The following TMEM150C variants were observed in gnomAD, a reference collection of about 807,000 sequenced individuals.
The protein encoded by TMEM150C is tentonin 3.
TMEM150C carries 10 observed loss-of-function variants against 29.9 expected under a neutral mutation model. The observed-to-expected ratio is 0.33, with a 90% confidence interval of 0.21 to 0.57. The LOEUF (loss-of-function observed/expected upper bound fraction) is 0.57, where lower values mean the gene tolerates loss of function less well. Among genes scored for constraint, TMEM150C ranks in the 20% least tolerant of loss-of-function variants. The pLI, the probability that TMEM150C is intolerant of heterozygous loss-of-function variation, is 0.88. For missense variants in TMEM150C, 251 were observed against 303.6 expected (o/e 0.83, Z 1.29); for synonymous variants, 101 against 112.5 (o/e 0.90, Z 0.64).
At chr4:82,557,797 G>A (rs373753908) in intron 1 of TMEM150C, among the ~76,000 whole-genome samples, 5 of 146,844 alleles carry the variant, frequency 3.4e-5, no homozygotes, top group East Asian at 2.0e-4. Context: ...GCAGTGGCAC[G>A]ATCTTGGCTC....
chr4:82,514,064 C>T (rs1724215440), intron 1 of TMEM150C, among the ~76,000 whole-genome samples: 1 of 152,238 alleles, frequency 6.6e-6, no homozygotes, highest in Non-Finnish European at 1.5e-5. Flanking sequence ...GGGATAACCC[C>T]AGCACCCACT....
At chr4:82,523,240 G>A (rs1040451009) in intron 1 of TMEM150C, among the ~76,000 whole-genome samples, 10 of 152,106 alleles carry the variant, frequency 6.6e-5, no homozygotes, top group African/African-American at 2.2e-4. Flanking sequence ...GGGGCGGGGG[G>A]GTGCTCCAAA....
intron 5 of TMEM150C, among the ~76,000 whole-genome samples, chr4:82,497,780 A>T (rs1334031665): frequency 6.6e-6 from 1 of 152,202 alleles, no homozygotes; most frequent in Non-Finnish European, 1.5e-5. Flanking sequence ...AATGACAATA[A>T]CAATCCTAGA....
At chr4:82,485,922 T>G (rs1295140300) in intron 7 of TMEM150C, among the ~76,000 whole-genome samples, 1 of 152,214 alleles carries the variant, frequency 6.6e-6, no homozygotes, top group Non-Finnish European at 1.5e-5. Context: ...AGACATGCTT[T>G]TAGGTGCTTT....
intron 1 of TMEM150C, among the ~76,000 whole-genome samples, chr4:82,550,582 C>T (rs1031627517): frequency 6.6e-6 from 1 of 151,942 alleles, no homozygotes; most frequent in Non-Finnish European, 1.5e-5. Context: ...GGGCGGATCA[C>T]GAGGTCAGGA....
chr4:82,511,592 C>A (rs1159052424), intron 1 of TMEM150C, among the ~76,000 whole-genome samples: 1 of 151,072 alleles, frequency 6.6e-6, no homozygotes, highest in Non-Finnish European at 1.5e-5. Flanking sequence ...CCTCCCACTT[C>A]AGCTTTCTAA....
At chr4:82,555,783 C>CCT (rs1179595580) in intron 1 of TMEM150C, among the ~76,000 whole-genome samples, 7 of 152,164 alleles carry the variant, frequency 4.6e-5, no homozygotes, top group African/African-American at 1.7e-4. Context: ...ATGGCAATAC[C>CCT]TACACCAAAG....
intron 1 of TMEM150C, among the ~76,000 whole-genome samples, chr4:82,511,179 C>T (rs1724110643): frequency 6.6e-6 from 1 of 152,116 alleles, no homozygotes; most frequent in Non-Finnish European, 1.5e-5. Context: ...CAGATATAAA[C>T]AATATTATTC....
At chr4:82,532,829 C>T (rs779086817) in intron 1 of TMEM150C, among the ~76,000 whole-genome samples, 16 of 151,818 alleles carry the variant, frequency 1.1e-4, no homozygotes, top group Non-Finnish European at 7.4e-5. Flanking sequence ...CCTGGGTTCA[C>T]GCCATTCTCC....
chr4:82,487,269 C>A (rs1723194967), intron 7 of TMEM150C, among the ~76,000 whole-genome samples: 1 of 152,068 alleles, frequency 6.6e-6, no homozygotes, highest in South Asian at 2.1e-4. Context: ...GGCAACATGG[C>A]AAAACCACGT....
intron 1 of TMEM150C, among the ~76,000 whole-genome samples, chr4:82,550,576 G>A (rs977337645): frequency 6.6e-6 from 1 of 152,026 alleles, no homozygotes; most frequent in Non-Finnish European, 1.5e-5. Context: ...CGAGGTGGGC[G>A]GATCACGAGG....
intron 1 of TMEM150C, among the ~76,000 whole-genome samples, chr4:82,519,004 T>C (rs781716697): frequency 6.6e-6 from 1 of 152,322 alleles, no homozygotes; most frequent in African/African-American, 2.4e-5. Flanking sequence ...GGCATATTCA[T>C]TGACTGAAGA....
chr4:82,491,486 G>A, intron 6 of TMEM150C: 1 of 682,374 alleles, frequency 1.5e-6, no homozygotes, highest in Non-Finnish European at 2.6e-6. Flanking sequence ...AGCGAGTGAG[G>A]TCACTTTTGG....
chr4:82,506,664 T>C (rs899608999), intron 1 of TMEM150C, among the ~76,000 whole-genome samples: 15 of 152,240 alleles, frequency 9.9e-5, no homozygotes, highest in African/African-American at 3.6e-4. Flanking sequence ...TAGTGGTTCA[T>C]GGCTTTCTAG....
Position 82,490,222 on chromosome 4 carries a change from T to G in TMEM150C, c.380A>C (p.Glu127Ala). The G allele has an allele frequency of 1.9e-6, 3 of 1,613,988 alleles. No individual in the cohort carries two copies. The South Asian group carries it at 3.3e-5, about 18-fold the overall frequency. The part of the protein sequence containing the change: ...LGNFQLTNDE[E>A]IHNVGTSLTF... ...CAAGGAAGTTCCGACGTTATGGATT[T>G]CTTCATCATTTGTGAGCTTAGGGAT... The change falls in exon 7 of 8, where the codon GAA becomes GCA. Residue 127 changes from glutamate (E) to alanine (A), a missense_variant. Glu to Ala is a moderately radical substitution (Grantham distance 107). Coordinates refer to ENST00000449862, the MANE Select transcript of TMEM150C (RefSeq NM_001080506.3).
intron 1 of TMEM150C, among the ~76,000 whole-genome samples, chr4:82,524,907 G>A (rs183996963): frequency 6.6e-5 from 10 of 152,272 alleles, no homozygotes; most frequent in Non-Finnish European, 1.2e-4. Context: ...GTAAGGGACC[G>A]CTCAAACAAA....
At position 82,507,727 on chromosome 4, in the gene TMEM150C, C is replaced by CTTTTTTTTTTTTTTTTT. The variant is rs869112887; in HGVS notation, c.-10-3077_-10-3061dup. On this transcript the variant is annotated intron_variant, in intron 1 of 7. Transcript: ENST00000449862. ...TTAAATTAACTCTCTCTCTCTCTCT[C>CTTTTTTTTTTTTTTTTT]TTTTTTTTTTTTTTTTTTTTTTTTT... Among the ~76,000 whole-genome samples, 10 of 20,574 alleles carry CTTTTTTTTTTTTTTTTT rather than the reference C, an allele frequency of 4.9e-4. 2 individuals carry two copies. The highest frequency in any genetic ancestry group is 4.5e-4 in the Non-Finnish European group (6 of 13,480). The allele number at this position is 20,574 out of a possible 152,430, so 13.5% of individuals were successfully genotyped here.
At chr4:82,560,189 A>C (rs1290596719) in intron 1 of TMEM150C, among the ~76,000 whole-genome samples, 1 of 152,234 alleles carries the variant, frequency 6.6e-6, no homozygotes, top group African/African-American at 2.4e-5. Context: ...ATTTGTAAGA[A>C]ATGCATGAAT....
At chr4:82,551,329 G>A (rs963649884) in intron 1 of TMEM150C, among the ~76,000 whole-genome samples, 1 of 152,064 alleles carries the variant, frequency 6.6e-6, no homozygotes, top group African/African-American at 2.4e-5. Context: ...CCACTATAAT[G>A]TAAAGCTCCC....
Sources: allele counts gnomAD v4.1 joint callset (sites outside exome capture counted in the v4.1 genomes callset), GRCh38; gene constraint gnomAD v4.1.1; transcripts MANE v1.5; gene names NCBI Gene and HGNC (gene_info 2026-07-23, HGNC 2026-07-21).